Variants in DCBLD1 observed in about 807,000 individuals in gnomAD.
DCBLD1 encodes discoidin, CUB and LCCL domain containing 1.
A neutral mutation model predicts 71.5 loss-of-function variants in DCBLD1; 57 were observed. The observed-to-expected ratio is 0.80, with a 90% CI of 0.64 to 0.99. The LOEUF (loss-of-function observed/expected upper bound fraction) is 0.99. DCBLD1 is among the 50% of genes least tolerant of loss of function. The pLI, the probability that DCBLD1 is intolerant of heterozygous loss-of-function variation, is 0.00. For synonymous variants in DCBLD1, 380 were observed against 363.8 expected (o/e 1.04, Z -0.51); for missense variants, 891 against 923.5 (o/e 0.96, Z 0.46).
chr6:117,504,032 G>A (rs996439061), intron 2 of DCBLD1, 53 bp downstream of exon 2: 1 of 1,584,268 alleles, frequency 6.3e-7, no homozygotes, highest in Admixed American at 1.7e-5. Context: ...GATATTTGCA[G>A]AGAAGGGCAA....
intron 6 of DCBLD1, among the ~76,000 whole-genome samples, chr6:117,533,070 G>A (rs1453870775): frequency 1.3e-5 from 2 of 152,144 alleles, no homozygotes; most frequent in African/African-American, 4.8e-5. Flanking sequence ...CATATAAACA[G>A]GCAGTTCAGA....
chr6:117,545,428 C>T (rs746944108), intron 13 of DCBLD1, 50 bp from the exon 14 acceptor site: 13 of 1,599,750 alleles, frequency 8.1e-6, no homozygotes, highest in South Asian at 2.3e-5. Context: ...CTGGAGGACG[C>T]GCATTACATT....
chr6:117,531,016 A>G (rs1778700812), intron 5 of DCBLD1, among the ~76,000 whole-genome samples: 1 of 152,134 alleles, frequency 6.6e-6, no homozygotes. Context: ...CAGTTATTGC[A>G]AAACTGACTC....
intron 1 of DCBLD1, among the ~76,000 whole-genome samples, chr6:117,501,768 T>A (rs562224213): frequency 6.6e-6 from 1 of 152,348 alleles, no homozygotes; most frequent in East Asian, 1.9e-4. Flanking sequence ...TCTTGTATCA[T>A]TTTCATTTAA....
chr6:117,557,187 AGATTT>A (rs1779505364), intron 14 of DCBLD1, among the ~76,000 whole-genome samples: 1 of 152,190 alleles, frequency 6.6e-6, no homozygotes, highest in Admixed American at 6.5e-5. Context: ...CTATGATGAT[AGATTT>A]AACATTGTAG....
At chr6:117,526,763 T>TATGTCA (rs1778558754) in intron 5 of DCBLD1, among the ~76,000 whole-genome samples, 1 of 152,256 alleles carries the variant, frequency 6.6e-6, no homozygotes, top group Non-Finnish European at 1.5e-5. Flanking sequence ...CTTTTTTGTG[T>TATGTCA]ATGTCAATGT....
intron 6 of DCBLD1, 76 bp from the exon 7 acceptor site, chr6:117,537,109 C>T (rs550635423): frequency 6.8e-7 from 1 of 1,469,574 alleles, no homozygotes; most frequent in Admixed American, 1.7e-5. Flanking sequence ...TTCTGTGAGC[C>T]CTGGGATGTA....
intron 2 of DCBLD1, among the ~76,000 whole-genome samples, chr6:117,507,296 A>G (rs1777875178): frequency 6.6e-6 from 1 of 152,244 alleles, no homozygotes; most frequent in Non-Finnish European, 1.5e-5. Flanking sequence ...ATTGTAAACA[A>G]GTGTAAACAC....
intron 6 of DCBLD1, among the ~76,000 whole-genome samples, chr6:117,535,097 G>A (rs191644214): frequency 1.4e-4 from 21 of 152,266 alleles, no homozygotes; most frequent in Non-Finnish European, 2.4e-4. Flanking sequence ...CTGTACATGC[G>A]GTCATTGAAC....
In DCBLD1 at chr6:117,524,221, C is replaced by T. The variant is rs139857387; in HGVS notation, c.513-1141C>T. ...CCTAATTTTTTTTTTTTTTTTGAGA[C>T]GGAGTTTTGCTCTTGGTCCCCAGGC... On this transcript the variant is annotated intron_variant, in intron 4 of 14. Coordinates refer to ENST00000338728, the MANE Select transcript of DCBLD1 (RefSeq NM_001366458.2). 4.1e-5 allele frequency among the ~76,000 whole-genome samples: 6 copies of T among 145,978 alleles called. No individual in the cohort carries two copies. The East Asian group carries it at 8.0e-4, about 19-fold the overall frequency.
At chr6:117,529,210 C>A (rs1042768747) in intron 5 of DCBLD1, among the ~76,000 whole-genome samples, 2 of 152,054 alleles carry the variant, frequency 1.3e-5, no homozygotes, top group African/African-American at 4.8e-5. Flanking sequence ...GTAAAAGTTG[C>A]CTTCAGATGA....
At chr6:117,513,510 TC>T (rs1295824547) in intron 2 of DCBLD1, among the ~76,000 whole-genome samples, 2 of 152,210 alleles carry the variant, frequency 1.3e-5, no homozygotes, top group South Asian at 2.1e-4. Context: ...TTTTCTTTTT[TC>T]CTGATTTTTC....
intron 1 of DCBLD1, among the ~76,000 whole-genome samples, chr6:117,492,532 T>C (rs530077610): frequency 1.3e-5 from 2 of 152,318 alleles, no homozygotes; most frequent in Admixed American, 6.5e-5. Flanking sequence ...GAGTTACTTA[T>C]GCAATTAAGC....
downstream of DCBLD1, among the ~76,000 whole-genome samples, chr6:117,553,551 A>G (rs1278049090): frequency 6.6e-6 from 1 of 152,124 alleles, no homozygotes; most frequent in Non-Finnish European, 1.5e-5. Flanking sequence ...AGCCCTTCTA[A>G]TTACCTATTG....
chr6:117,550,420 G>T (rs554838869), downstream of DCBLD1, among the ~76,000 whole-genome samples: 4 of 152,132 alleles, frequency 2.6e-5, no homozygotes, highest in African/African-American at 9.7e-5. Context: ...ATGATAAGGC[G>T]TGAATGAGAC....
intron 5 of DCBLD1, among the ~76,000 whole-genome samples, chr6:117,526,999 G>A (rs908244492): frequency 6.6e-6 from 1 of 152,172 alleles, no homozygotes; most frequent in African/African-American, 2.4e-5. Context: ...AGCTCATGTG[G>A]TGTTGACAGC....
Position 117,548,033 on chromosome 6 carries a change from C to T in DCBLD1, c.1742C>T (p.Pro581Leu), listed in dbSNP as rs759114446. Residue 581 changes from proline to leucine, a missense_variant, in exon 15 of 15, where the codon CCG (proline) becomes CTG (leucine). Physicochemically the swap from Pro to Leu is moderately conservative, Grantham distance 98 (BLOSUM62 -3). Transcript: ENST00000338728. The part of the protein sequence containing the change: ...STDAGGHYDC[P>L]QRAGRHEYAL... Reference sequence around the variant, plus strand: ...GATGCCGGCGGCCACTATGACTGCCCGCAGCGGGCCGGCCGCCACGAGTAC... The same window carrying T: ...GATGCCGGCGGCCACTATGACTGCCTGCAGCGGGCCGGCCGCCACGAGTAC... 4.5e-6 allele frequency: 7 copies of T among 1,549,542 alleles called. No individual in the cohort carries two copies. The highest frequency in any genetic ancestry group is 5.2e-6 in the Non-Finnish European group (6 of 1,146,410).
At position 117,548,290 on chromosome 6, in the gene DCBLD1, CG is replaced by C. The variant is rs1562127529; in HGVS notation, c.2001del (p.Ala670LeufsTer42). 2 of 1,550,534 alleles carry C rather than the reference CG, an allele frequency of 1.3e-6. No individual in the cohort carries two copies. On this transcript the variant is annotated frameshift_variant, in exon 15 of 15. Transcript: ENST00000338728. LOFTEE classifies it low-confidence loss of function (END_TRUNC). ...ACAGCCTGCGGACAGGGGCTACGAC[CG>C]GCCCAAAGCTGTCAGCGCCCTCGCC... ...SAQPADRGYD[R>X]PKAVSALATE...
chr6:117,501,566 T>C (rs1005802582), intron 1 of DCBLD1, among the ~76,000 whole-genome samples: 3 of 152,208 alleles, frequency 2.0e-5, no homozygotes, highest in Admixed American at 6.5e-5. Flanking sequence ...ACTCCTGACT[T>C]CAGGTGATCC....
Sources: allele counts gnomAD v4.1 joint callset (sites outside exome capture counted in the v4.1 genomes callset), GRCh38; gene constraint gnomAD v4.1.1; transcripts MANE v1.5; gene names NCBI Gene and HGNC (gene_info 2026-07-23, HGNC 2026-07-21).